Variants in CRISP2 observed in about 807,000 individuals in gnomAD.
CRISP2 encodes cysteine-rich secretory protein 2.
In CRISP2, 29 loss-of-function variants were observed where a neutral mutation model predicts 31.7. That is an observed-to-expected ratio of 0.92 (90% CI 0.68 to 1.25). CRISP2 has a LOEUF of 1.25. Ranked by LOEUF, CRISP2 falls within the 50% of genes most tolerant of loss-of-function variation. The pLI is 0.00. For missense variants in CRISP2, 318 were observed against 286.5 expected, an observed-to-expected ratio of 1.11 and a Z score of -0.79; for synonymous variants, 111 against 101.4, an observed-to-expected ratio of 1.09 and a Z score of -0.57.
the CRISP2 span, among the ~76,000 whole-genome samples, chr6:49,683,681 AAAAAAAAAAAAAAATAT>A: frequency 5.7e-5 from 3 of 52,256 alleles, no homozygotes; most frequent in South Asian, 7.8e-4. Context: ...AAAAAAAAAA[AAAAAAAAAAAAAAATAT>A]ATATATATAT....
Position 49,706,378 on chromosome 6 carries a change from TA to T in CRISP2, c.66+2752del, listed in dbSNP as rs1489878757. On this transcript the variant is annotated intron_variant, in intron 4 of 9. Transcript: ENST00000339139. Reference sequence around the variant, plus strand: ...TGCTTAAAAGATAACTTTGTAAAACTAAAAAAAATTTAAAGCAATTTGGAGG... The same window carrying T: ...TGCTTAAAAGATAACTTTGTAAAACTAAAAAAATTTAAAGCAATTTGGAGG... 5.3e-5 allele frequency among the ~76,000 whole-genome samples: 8 copies of T among 152,052 alleles called. No individual in the cohort carries two copies. In the South Asian group the frequency reaches 1.7e-3, roughly 31 times the overall value.
chr6:49,705,010 C>T (rs778204943), intron 4 of CRISP2, among the ~76,000 whole-genome samples: 1 of 152,056 alleles, frequency 6.6e-6, no homozygotes, highest in Non-Finnish European at 1.5e-5. Context: ...TACAAGTTTG[C>T]CCTAAGGTCA....
chr6:49,703,215 C>T (rs1766414247), intron 4 of CRISP2, among the ~76,000 whole-genome samples: 1 of 152,042 alleles, frequency 6.6e-6, no homozygotes, highest in African/African-American at 2.4e-5. Context: ...GTTTTGGTGA[C>T]TATAGCCATG....
chr6:49,707,820 T>C (rs1291426621), intron 4 of CRISP2, among the ~76,000 whole-genome samples: 1 of 152,146 alleles, frequency 6.6e-6, no homozygotes, highest in African/African-American at 2.4e-5. Context: ...GCTCAGGAGA[T>C]ACACACTGCA....
chr6:49,705,516 G>A (rs980755350), intron 4 of CRISP2, among the ~76,000 whole-genome samples: 6 of 152,070 alleles, frequency 3.9e-5, no homozygotes, highest in Admixed American at 2.0e-4. Flanking sequence ...ACTCATATCC[G>A]TACTTCCCAT....
chr6:49,703,839 G>A (rs779301134), intron 4 of CRISP2, among the ~76,000 whole-genome samples: 98 of 152,124 alleles, frequency 6.4e-4, no homozygotes, highest in Non-Finnish European at 1.3e-3. Context: ...CCCAGGTCAT[G>A]ATCTTTTTGT....
At chr6:49,684,760 A>ATT in the CRISP2 span, among the ~76,000 whole-genome samples, 6 of 152,238 alleles carry the variant, frequency 3.9e-5, 1 homozygote, top group Admixed American at 3.9e-4. Flanking sequence ...GATCATTCTC[A>ATT]TTGTTTTTAT....
intron 4 of CRISP2, among the ~76,000 whole-genome samples, chr6:49,705,431 C>T (rs1172543746): frequency 2.0e-5 from 3 of 152,130 alleles, no homozygotes; most frequent in Non-Finnish European, 4.4e-5. Flanking sequence ...TTGGTCCAGG[C>T]TACAACCCTC....
chr6:49,698,521 C>G lies in CRISP2; in HGVS notation c.272-14G>C, dbSNP rs1765147793. ...CACATCTTGTACCTAAGGGGCAGAT[C>G]ATTCATGAGCAAGGTAATAAACATG... On this transcript the variant is annotated splice_polypyrimidine_tract_variant and intron_variant, in intron 6 of 9. Coordinates refer to ENST00000339139, the MANE Select transcript of CRISP2 (RefSeq NM_003296.4). The G allele has an allele frequency of 1.3e-6, 2 of 1,590,480 alleles. No homozygotes were observed. The highest frequency in any genetic ancestry group is 1.4e-5 in the African/African-American group (1 of 73,366).
chr6:49,682,667 C>CTTTT, the CRISP2 span, among the ~76,000 whole-genome samples: 1 of 132,038 alleles, frequency 7.6e-6, no homozygotes, highest in East Asian at 2.2e-4. Context: ...TTCTTTCTTT[C>CTTTT]TTCTCTCTCT....
intron 4 of CRISP2, among the ~76,000 whole-genome samples, chr6:49,701,778 TTA>T (rs1360809108): frequency 7.4e-5 from 8 of 107,464 alleles, no homozygotes; most frequent in Non-Finnish European, 1.1e-4. Flanking sequence ...TATGTATGCA[TTA>T]TATATGTATG....
At chr6:49,684,022 C>T in the CRISP2 span, among the ~76,000 whole-genome samples, 1 of 151,918 alleles carries the variant, frequency 6.6e-6, no homozygotes, top group African/African-American at 2.4e-5. Flanking sequence ...GTACTGAGTA[C>T]ATGCTTTGAT....
downstream of CRISP2, among the ~76,000 whole-genome samples, chr6:49,691,191 C>T (rs1007897175): frequency 1.2e-4 from 18 of 152,020 alleles, no homozygotes; most frequent in African/African-American, 3.9e-4. Context: ...CATATGAGAA[C>T]CACTCAAGTG....
At chr6:49,710,605 C>T (rs1190314147) in intron 3 of CRISP2, among the ~76,000 whole-genome samples, 1 of 152,090 alleles carries the variant, frequency 6.6e-6, no homozygotes, top group Non-Finnish European at 1.5e-5. Context: ...TATACTTAAA[C>T]AGCCATACTT....
the CRISP2 span, among the ~76,000 whole-genome samples, chr6:49,683,177 A>AATATATAT: frequency 6.6e-6 from 1 of 150,594 alleles, no homozygotes; most frequent in African/African-American, 2.4e-5. Flanking sequence ...TAAATAAATA[A>AATATATAT]ATAAATAAAT....
At chr6:49,687,065 GA>G in the CRISP2 span, among the ~76,000 whole-genome samples, 1 of 152,018 alleles carries the variant, frequency 6.6e-6, no homozygotes, top group Non-Finnish European at 1.5e-5. Flanking sequence ...GATGGGGGGA[GA>G]GGGGAGGGAG....
rs774698917 is a variant in CRISP2 at position 49,709,183 on chromosome 6, G to A, written c.14C>T (p.Pro5Leu). 2.0e-5 allele frequency: 32 copies of A among 1,613,410 alleles called. No individual in the cohort carries two copies. Among genetic ancestry groups the A allele is most frequent in the Middle Eastern group, 1.6e-4 (1 of 6,084 alleles). MALL[P>L]VLFLVTVLLP... is the part of the protein sequence containing the mutation. ...CAGCACAGTAACCAGAAACAACACC[G>A]GTAGTAAAGCCATTGCTGGAAACTA... Residue 5 changes from proline (P) to leucine (L), a missense_variant, in exon 4 of 10, where the codon CCG becomes CTG. Coordinates refer to ENST00000339139, the MANE Select transcript of CRISP2 (RefSeq NM_003296.4).
Position 49,692,644 on chromosome 6 carries a change from T to C in CRISP2, c.*129A>G, listed in dbSNP as rs1764122168. 1 of 835,742 alleles carries C rather than the reference T, an allele frequency of 1.2e-6. No individual in the cohort carries two copies. Among genetic ancestry groups the C allele is most frequent in the Admixed American group, 2.5e-5 (1 of 40,402 alleles). 51.8% of individuals were successfully genotyped at this position (835,742 alleles called of 1,614,324 possible). A position where few individuals can be genotyped will look rare whatever the true frequency, so the allele number is the denominator to read the frequency against. ...CCTGAAAGTGATTTCTGTGATGATC[T>C]GGGGGAGAAGATGCATTGCTCTTTG... On this transcript the variant is annotated 3_prime_UTR_variant, in exon 10 of 10. Transcript: ENST00000339139.
At chr6:49,696,586 G>GT (rs1491438030) in intron 8 of CRISP2, among the ~76,000 whole-genome samples, 1 of 65,966 alleles carries the variant, frequency 1.5e-5, no homozygotes, top group Non-Finnish European at 3.6e-5. Context: ...AGAACTTAAA[G>GT]TAAAAAAAAA....
Sources: gnomAD v4.1 joint callset for allele counts (sites outside exome capture counted in the v4.1 genomes callset) on GRCh38, gnomAD v4.1.1 for gene constraint, MANE v1.5 for transcripts, NCBI Gene and HGNC (gene_info 2026-07-23, HGNC 2026-07-21) for gene names.